The following FYB1 variants were observed in gnomAD, a reference collection of about 807,000 sequenced individuals.
The protein encoded by FYB1 is FYN binding protein 1.
FYB1 carries 41 observed loss-of-function variants against 94.1 expected under a neutral mutation model. That is an observed-to-expected ratio of 0.44 (90% CI 0.34 to 0.57). The LOEUF (loss-of-function observed/expected upper bound fraction) is 0.57. FYB1 is among the 20% of genes least tolerant of loss of function. The pLI, the probability that FYB1 is intolerant of heterozygous loss-of-function variation, is 0.02. For missense variants in FYB1, 1,050 were observed against 976.8 expected, an observed-to-expected ratio of 1.07 and a Z score of -1.00; for synonymous variants, 367 against 353.2, an observed-to-expected ratio of 1.04 and a Z score of -0.44.
intron 1 of FYB1, among the ~76,000 whole-genome samples, chr5:39,260,367 T>A (rs1752160112): frequency 6.6e-6 from 1 of 152,126 alleles, no homozygotes; most frequent in Non-Finnish European, 1.5e-5. Context: ...AACAGTAGAG[T>A]TCAATAGCTG....
chr5:39,202,605 T>C lies in FYB1; in HGVS notation c.356A>G (p.Asn119Ser). 1 of 1,613,934 alleles carries C rather than the reference T, an allele frequency of 6.2e-7. No individual in the cohort carries two copies. Among genetic ancestry groups the C allele is most frequent in the Non-Finnish European group, 8.5e-7 (1 of 1,179,864 alleles). The change falls in exon 2 of 19, where the codon AAC becomes AGC. Residue 119 changes from asparagine (N) to serine (S), a missense_variant. Transcript: ENST00000512982. ...FLKPVGPKPI[N>S]LPKEDSKPTF... ...AGGTTTGGAATCTTCTTTGGGCAAG[T>C]TGATGGGCTTGGGGCCTACAGGTTT... is the stretch of plus-strand genomic sequence containing the variant.
intron 2 of FYB1, among the ~76,000 whole-genome samples, chr5:39,156,274 G>A (rs1238449076): frequency 1.3e-5 from 2 of 152,082 alleles, no homozygotes; most frequent in Non-Finnish European, 2.9e-5. Flanking sequence ...CTGCTTACTC[G>A]ACATCTATTC....
At chr5:39,267,666 T>A (rs1752489909) in intron 1 of FYB1, among the ~76,000 whole-genome samples, 1 of 152,228 alleles carries the variant, frequency 6.6e-6, no homozygotes, top group South Asian at 2.1e-4. Flanking sequence ...TATAACCTTT[T>A]CATGCTACAA....
intron 1 of FYB1, among the ~76,000 whole-genome samples, chr5:39,230,739 A>C (rs944381937): frequency 1.3e-5 from 2 of 151,870 alleles, no homozygotes; most frequent in South Asian, 4.1e-4. Context: ...GGCATTATCC[A>C]CAAGGCTGAT....
chr5:39,204,370 G>A (rs1190421995), intron 1 of FYB1, among the ~76,000 whole-genome samples: 2 of 152,190 alleles, frequency 1.3e-5, no homozygotes, highest in African/African-American at 4.8e-5. Context: ...ACTGCAGGAG[G>A]ATGGCATGGC....
rs571806469 is a variant in FYB1 at position 39,122,396 on chromosome 5, C to T, written c.2078G>A (p.Gly693Glu). 1.3e-5 allele frequency: 21 copies of T among 1,569,270 alleles called. No individual in the cohort carries two copies. Among genetic ancestry groups the T allele is most frequent in the Non-Finnish European group, 1.7e-5 (20 of 1,151,488 alleles). ...FPAPPKQLDM[G>E]DEVYDDVDTS... ...ATCCACATCATCGTAAACTTCATCT[C>T]CCATGTCTAACAAAAGACAGAATAT... Residue 693 changes from glycine (G) to glutamate (E), a missense_variant, in exon 14 of 19, where the codon GGA (glycine) becomes GAA (glutamate). Gly to Glu is a moderately conservative substitution (Grantham distance 98). Coordinates refer to ENST00000512982, the MANE Select transcript of FYB1 (RefSeq NM_001465.6).
rs74965320 is a variant in FYB1, at chr5:39,233,397, T to C, written c.-27-30410A>G. Among the ~76,000 whole-genome samples, 990 of 152,280 alleles carry C rather than the reference T, an allele frequency of 6.5e-3. 14 individuals carry two copies. The highest frequency in any genetic ancestry group is 0.023 in the African/African-American group (939 of 41,558). The stretch of plus-strand genomic sequence containing the variant: ...TCTTCAGTTAATCATTGCTTACAAG[T>C]CCAGTTGTTTTATATTTGTACTCAC... On this transcript the variant is annotated intron_variant, in intron 1 of 1. Transcript: ENST00000510188.
Position 39,202,047 on chromosome 5 carries a change from G to A in FYB1, c.914C>T (p.Ala305Val). 1 of 1,614,002 alleles carries A rather than the reference G, an allele frequency of 6.2e-7. No homozygotes were observed. The highest frequency in any genetic ancestry group is 8.5e-7 in the Non-Finnish European group (1 of 1,179,866). ...FQSKINQEEL[A>V]SGTPPARFPK... is the part of the protein sequence containing the mutation. ...GAACCTGGCAGGAGGAGTCCCTGAG[G>A]CCAACTCTTCCTGATTTATTTTGCT... The change falls in exon 2 of 19, where the codon GCC (alanine) becomes GTC (valine). Residue 305 changes from alanine to valine, a missense_variant. Ala to Val is a moderately conservative substitution (Grantham distance 64, BLOSUM62 0). Transcript: ENST00000512982.
chr5:39,181,117 G>A (rs191684796), intron 2 of FYB1, among the ~76,000 whole-genome samples: 41 of 152,240 alleles, frequency 2.7e-4, no homozygotes. Context: ...TGGATTTAGG[G>A]ACAGAAATAA....
Position 39,169,568 on chromosome 5 carries a change from G to T in FYB1, c.1136-15964C>A, listed in dbSNP as rs538262834. The T allele has an allele frequency of 1.4e-5, 7 of 511,268 alleles. No individual in the cohort carries two copies. The East Asian group carries it at 3.4e-4, about 25-fold the overall frequency. 31.7% of individuals were successfully genotyped at this position (511,268 alleles called of 1,614,324 possible). On this transcript the variant is annotated intron_variant, in intron 2 of 18. Coordinates refer to ENST00000512982, the MANE Select transcript of FYB1 (RefSeq NM_001465.6). ...CCAGTTGAAAGACCAAGGAGGGCCA[G>T]ATGCAGTGGCTCACGCCTGTAATCC...
chr5:39,262,089 A>G (rs1167355168), intron 1 of FYB1, among the ~76,000 whole-genome samples: 1 of 152,234 alleles, frequency 6.6e-6, no homozygotes, highest in Non-Finnish European at 1.5e-5. Flanking sequence ...TTTAAGGGGT[A>G]GGGATTAATT....
chr5:39,123,748 A>C (rs1171121214), intron 13 of FYB1, among the ~76,000 whole-genome samples: 1 of 152,218 alleles, frequency 6.6e-6, no homozygotes, highest in Non-Finnish European at 1.5e-5. Context: ...TTTTAAAAAC[A>C]TCTAAAGATC....
intron 1 of FYB1, among the ~76,000 whole-genome samples, chr5:39,248,119 G>C (rs1468124816): frequency 6.6e-6 from 1 of 151,998 alleles, no homozygotes; most frequent in Non-Finnish European, 1.5e-5. Context: ...ATTTGTCAAA[G>C]AACTATAAAT....
chr5:39,213,997 G>GA (rs141339515), intron 1 of FYB1, among the ~76,000 whole-genome samples: 10,294 of 151,942 alleles, frequency 0.068, 465 homozygotes, highest in Admixed American at 0.11. Flanking sequence ...TCGTCTGAAT[G>GA]AAAAAGTGAA....
At chr5:39,212,308 AAAAAAATAAAAAAT>A (rs938925228) in intron 1 of FYB1, among the ~76,000 whole-genome samples, 1 of 152,054 alleles carries the variant, frequency 6.6e-6, no homozygotes, top group Non-Finnish European at 1.5e-5. Context: ...ACCTTGTCTC[AAAAAAATAAAAAAT>A]AAAAAATAAA....
At chr5:39,181,987 A>C (rs542613660) in intron 2 of FYB1, among the ~76,000 whole-genome samples, 78 of 152,320 alleles carry the variant, frequency 5.1e-4, no homozygotes, top group Non-Finnish European at 5.0e-4. Flanking sequence ...CATCTCTAGA[A>C]CTTATTCATC....
intron 2 of FYB1, chr5:39,169,616 G>T: frequency 2.2e-6 from 1 of 449,648 alleles, no homozygotes; most frequent in Admixed American, 2.6e-5. Context: ...AGGCCGAGGC[G>T]GGTGGATTAC....
chr5:39,197,266 T>C (rs756095276), intron 2 of FYB1, among the ~76,000 whole-genome samples: 1 of 152,190 alleles, frequency 6.6e-6, no homozygotes, highest in African/African-American at 2.4e-5. Flanking sequence ...AAATATTTAG[T>C]AATAGAATCT....
At chr5:39,123,035 A>G (rs1740275401) in intron 13 of FYB1, among the ~76,000 whole-genome samples, 1 of 152,158 alleles carries the variant, frequency 6.6e-6, no homozygotes, top group Non-Finnish European at 1.5e-5. Context: ...GGCTTTTCCA[A>G]TCATTAAAGC....
Sources: allele counts gnomAD v4.1 joint callset (sites outside exome capture counted in the v4.1 genomes callset), GRCh38; gene constraint gnomAD v4.1.1; transcripts MANE v1.5; gene names NCBI Gene and HGNC (gene_info 2026-07-23, HGNC 2026-07-21).